Variants in MAF observed in about 807,000 individuals in gnomAD.
MAF encodes the protein transcription factor Maf.
A neutral mutation model predicts 22.0 loss-of-function variants in MAF; 10 were observed. That is an observed-to-expected ratio of 0.45 (90% CI 0.28 to 0.77). The LOEUF is 0.77. MAF is among the 30% of genes least tolerant of loss of function. MAF has a pLI of 0.12. For synonymous variants in MAF, 337 were observed against 255.8 expected (o/e 1.32, Z -3.03); for missense variants, 544 against 548.4 (o/e 0.99, Z 0.08).
the MAF span, among the ~76,000 whole-genome samples, chr16:79,502,389 G>T: frequency 4.6e-5 from 7 of 152,290 alleles, no homozygotes; most frequent in South Asian, 1.5e-3. Context: ...CATCAGGCTA[G>T]GCACAGTGGG....
chr16:79,228,789 G>A, the MAF span, among the ~76,000 whole-genome samples: 1 of 151,928 alleles, frequency 6.6e-6, no homozygotes, highest in East Asian at 1.9e-4. Context: ...GTGGTGGGGG[G>A]TTAGGGCAGG....
At chr16:79,280,860 G>A in the MAF span, among the ~76,000 whole-genome samples, 1 of 152,196 alleles carries the variant, frequency 6.6e-6, no homozygotes, top group African/African-American at 2.4e-5. Context: ...AAAGGACTCT[G>A]ATGCGGATTC....
chr16:79,224,371 G>C, the MAF span, among the ~76,000 whole-genome samples: 3 of 152,178 alleles, frequency 2.0e-5, no homozygotes, highest in African/African-American at 7.2e-5. Context: ...AAAATAATAA[G>C]AGCTATTTTT....
the MAF span, among the ~76,000 whole-genome samples, chr16:79,252,499 T>C: frequency 1.3e-5 from 2 of 151,932 alleles, no homozygotes; most frequent in Non-Finnish European, 2.9e-5. Context: ...ATTTTTTTTC[T>C]TTTTTTTCGA....
chr16:79,454,037 G>T, the MAF span, among the ~76,000 whole-genome samples: 3 of 151,996 alleles, frequency 2.0e-5, no homozygotes, highest in Non-Finnish European at 4.4e-5. Flanking sequence ...TCTACAACTG[G>T]CCAACTCCTA....
chr16:79,277,678 C>T, the MAF span, among the ~76,000 whole-genome samples: 1 of 152,178 alleles, frequency 6.6e-6, no homozygotes, highest in African/African-American at 2.4e-5. Context: ...TCAAACTATC[C>T]CTTCCTCTCT....
At chr16:79,555,053 G>A in the MAF span, among the ~76,000 whole-genome samples, 1 of 152,144 alleles carries the variant, frequency 6.6e-6, no homozygotes, top group Non-Finnish European at 1.5e-5. Context: ...GAAGGGAGCT[G>A]GCAGATACAC....
chr16:79,521,510 G>A, the MAF span, among the ~76,000 whole-genome samples: 1 of 152,190 alleles, frequency 6.6e-6, no homozygotes, highest in Non-Finnish European at 1.5e-5. Flanking sequence ...GGTGGACTTC[G>A]GAATTCTAAG....
chr16:79,369,217 A>G, the MAF span, among the ~76,000 whole-genome samples: 4 of 152,366 alleles, frequency 2.6e-5, no homozygotes, highest in Non-Finnish European at 5.9e-5. Flanking sequence ...GAAAAGCTGT[A>G]TTCATTAATA....
the MAF span, among the ~76,000 whole-genome samples, chr16:79,426,069 G>T: frequency 6.6e-6 from 1 of 152,150 alleles, no homozygotes; most frequent in Admixed American, 6.5e-5. Flanking sequence ...AGCTGGGCAT[G>T]GTGGCACATG....
chr16:79,260,493 A>ATATCTATATCTT, the MAF span, among the ~76,000 whole-genome samples: 1 of 150,270 alleles, frequency 6.7e-6, no homozygotes, highest in African/African-American at 2.5e-5. Context: ...ATCTATATCT[A>ATATCTATATCTT]TATCTATATC....
At chr16:79,210,564 C>T in the MAF span, among the ~76,000 whole-genome samples, 7 of 152,148 alleles carry the variant, frequency 4.6e-5, no homozygotes, top group African/African-American at 1.7e-4. Context: ...TCTCTTGCAA[C>T]CCCTCTCCCT....
chr16:79,264,943 CT>C, the MAF span, among the ~76,000 whole-genome samples: 1 of 152,132 alleles, frequency 6.6e-6, no homozygotes, highest in African/African-American at 2.4e-5. Context: ...AAGGGGAAGA[CT>C]GAGAAAGGGA....
At chr16:79,321,169 T>C in the MAF span, among the ~76,000 whole-genome samples, 1 of 152,214 alleles carries the variant, frequency 6.6e-6, no homozygotes, top group Non-Finnish European at 1.5e-5. Flanking sequence ...TTCTCCTCGA[T>C]GCCTGCCCTA....
At chr16:79,265,387 C>G in the MAF span, among the ~76,000 whole-genome samples, 2 of 152,084 alleles carry the variant, frequency 1.3e-5, no homozygotes, top group Non-Finnish European at 2.9e-5. Flanking sequence ...AATGACTGAC[C>G]TCCCAGCCTC....
the MAF span, among the ~76,000 whole-genome samples, chr16:79,445,434 C>T: frequency 6.6e-6 from 1 of 152,170 alleles, no homozygotes; most frequent in Non-Finnish European, 1.5e-5. Context: ...ACCCTTTTTA[C>T]AAATGAGGAG....
the MAF span, among the ~76,000 whole-genome samples, chr16:79,281,650 G>A: frequency 6.7e-6 from 1 of 148,642 alleles, no homozygotes; most frequent in Non-Finnish European, 1.5e-5. Flanking sequence ...CCAGGTTCAA[G>A]CGATTCTCCT....
the MAF span, among the ~76,000 whole-genome samples, chr16:79,471,737 C>T: frequency 6.6e-6 from 1 of 152,138 alleles, no homozygotes; most frequent in Non-Finnish European, 1.5e-5. Context: ...TTGCTGATGT[C>T]ATAGTGTTTG....
downstream of MAF, among the ~76,000 whole-genome samples, chr16:79,591,362 AC>A (rs1913181626): frequency 1.3e-5 from 2 of 152,012 alleles, no homozygotes; most frequent in Non-Finnish European, 1.5e-5. Context: ...AGCAGACACG[AC>A]TCCTTCATCC....
Sources: gnomAD v4.1 joint callset for allele counts (sites outside exome capture counted in the v4.1 genomes callset) on GRCh38, gnomAD v4.1.1 for gene constraint, MANE v1.5 for transcripts, NCBI Gene and HGNC (gene_info 2026-07-23, HGNC 2026-07-21) for gene names.